The following SYTL3 variants were observed in gnomAD, a reference collection of about 807,000 sequenced individuals.
The protein encoded by SYTL3 is synaptotagmin like 3.
SYTL3 carries 88 observed loss-of-function variants against 82.1 expected under a neutral mutation model. That is an observed-to-expected ratio of 1.07 (90% CI 0.90 to 1.28). SYTL3 has a LOEUF of 1.28. SYTL3 is among the 50% of genes most tolerant of loss of function. The pLI, the probability that SYTL3 is intolerant of heterozygous loss-of-function variation, is 0.00. For missense variants in SYTL3, 831 were observed against 757.6 expected, an observed-to-expected ratio of 1.10 and a Z score of -1.14; for synonymous variants, 311 against 289.4, an observed-to-expected ratio of 1.07 and a Z score of -0.76.
chr6:158,701,252 G>C lies in SYTL3; in HGVS notation c.395-5978G>C, dbSNP rs1562393486. 8.7e-3 allele frequency among the ~76,000 whole-genome samples: 90 copies of C among 10,372 alleles called. 2 individuals carry two copies. The highest frequency in any genetic ancestry group is 0.013 in the Non-Finnish European group (67 of 5,162). The allele number at this position is 10,372 out of a possible 152,430, so 6.8% of individuals were successfully genotyped here. ...TGTGAGCTGGGGTGTAGATGAAGGA[G>C]TGTGAGCTGGGGTGTAGATGAAGGA... On this transcript the variant is annotated intron_variant, in intron 6 of 17. Transcript: ENST00000611299.
intron 6 of SYTL3, among the ~76,000 whole-genome samples, chr6:158,702,423 T>C (rs1185339202): frequency 6.6e-6 from 1 of 151,596 alleles, no homozygotes; most frequent in Non-Finnish European, 1.5e-5. Context: ...AGTGGTCTCT[T>C]CTGCCTCCTG....
rs34172320 is a variant in SYTL3 at position 158,729,566 on chromosome 6, C to CTTTTT, written c.855+3943_855+3947dup. On this transcript the variant is annotated intron_variant, in intron 11 of 17. Transcript: ENST00000611299. ...GTGTACTGTACTTTACTTTCTTTTTCTTTTTTTTTTTTTTTTTTGAGACAG... is the reference window on the plus strand; with the variant it reads ...GTGTACTGTACTTTACTTTCTTTTTCTTTTTTTTTTTTTTTTTTTTTTTGAGACAG... Among the ~76,000 whole-genome samples the CTTTTT allele has an allele frequency of 1.7e-3, 222 of 132,872 alleles. 2 individuals are homozygous for CTTTTT. Among genetic ancestry groups the CTTTTT allele is most frequent in the African/African-American group, 5.9e-3 (212 of 36,010 alleles). 87.2% of individuals were successfully genotyped at this position (132,872 alleles called of 152,430 possible). A position where few individuals can be genotyped will look rare whatever the true frequency, so the allele number is the denominator to read the frequency against.
At chr6:158,665,313 G>A (rs1399348919) in intron 4 of SYTL3, 82 bp from the exon 5 acceptor site, 1 of 1,338,478 alleles carries the variant, frequency 7.5e-7, no homozygotes, top group African/African-American at 1.5e-5. Context: ...TTGCCATGGG[G>A]GTTACTGCCT....
intron 11 of SYTL3, among the ~76,000 whole-genome samples, chr6:158,727,533 G>A (rs1192714131): frequency 6.6e-6 from 1 of 152,034 alleles, no homozygotes; most frequent in Non-Finnish European, 1.5e-5. Context: ...GCTTTATTAG[G>A]AAGAAGGCAT....
intron 9 of SYTL3, among the ~76,000 whole-genome samples, chr6:158,717,294 A>C (rs1009223539): frequency 9.7e-6 from 1 of 102,592 alleles, no homozygotes; most frequent in Non-Finnish European, 2.2e-5. Flanking sequence ...AAGTAAATAG[A>C]GTTAATTTTA....
chr6:158,663,179 A>G lies in SYTL3; in HGVS notation c.-90A>G, dbSNP rs1466900917. The G allele has an allele frequency of 8.9e-6, 10 of 1,123,038 alleles. No homozygotes were observed. The highest frequency in any genetic ancestry group is 1.6e-5 in the African/African-American group (1 of 64,516). The allele number at this position is 1,123,038 out of a possible 1,614,324, so 69.6% of individuals were successfully genotyped here. A position where few individuals can be genotyped will look rare whatever the true frequency, so the allele number is the denominator to read the frequency against. ...GAGCTCTTTAAACAAGGCTGGCTGCAGCTGGCCTCCGCCGCTCATCTGCAG... is the reference window on the plus strand; with the variant it reads ...GAGCTCTTTAAACAAGGCTGGCTGCGGCTGGCCTCCGCCGCTCATCTGCAG... On this transcript the variant is annotated 5_prime_UTR_variant, in exon 4 of 18. Coordinates refer to ENST00000611299, the MANE Select transcript of SYTL3 (RefSeq NM_001242394.2).
chr6:158,653,940 T>A (rs1290946574), intron 2 of SYTL3, among the ~76,000 whole-genome samples: 2 of 152,228 alleles, frequency 1.3e-5, no homozygotes, highest in South Asian at 2.1e-4. Context: ...CCCCTAAGAA[T>A]AAACAATGTG....
chr6:158,708,536 T>C (rs2128456679), intron 8 of SYTL3, 145 bp downstream of exon 8: 1 of 761,808 alleles, frequency 1.3e-6, no homozygotes, highest in Admixed American at 2.4e-5. Flanking sequence ...CAAAGCGGGG[T>C]GGGGAGCGAG....
intron 6 of SYTL3, among the ~76,000 whole-genome samples, chr6:158,697,710 G>GA (rs1196498179): frequency 6.6e-6 from 1 of 151,838 alleles, no homozygotes; most frequent in East Asian, 1.9e-4. Flanking sequence ...TTTTTTTAGA[G>GA]AAAATCCAAA....
At chr6:158,712,853 G>T (rs925367708) in intron 8 of SYTL3, among the ~76,000 whole-genome samples, 8 of 151,286 alleles carry the variant, frequency 5.3e-5, no homozygotes, top group Non-Finnish European at 1.2e-4. Flanking sequence ...CCGCCTCCCG[G>T]GTTCACACCA....
intron 11 of SYTL3, chr6:158,726,043 G>T (rs1583386942): frequency 1.7e-6 from 1 of 581,462 alleles, no homozygotes; most frequent in South Asian, 1.5e-5. Flanking sequence ...CCAATCTCAT[G>T]TGTTAAAATC....
In SYTL3 at chr6:158,717,134, C is replaced by T. The variant is rs1447941774; in HGVS notation, c.596-953C>T. On this transcript the variant is annotated intron_variant, in intron 9 of 17. Coordinates refer to ENST00000611299, the MANE Select transcript of SYTL3 (RefSeq NM_001242394.2). ...ATGGCTAATACAAAAATTAGCCGGG[C>T]GTGGTGACACACACCTGTAATCCCA... Among the ~76,000 whole-genome samples, 9 of 151,222 alleles carry T rather than the reference C, an allele frequency of 6.0e-5. No homozygotes were observed. The East Asian group carries it at 1.6e-3, about 26-fold the overall frequency.
rs1247462310 is a variant in SYTL3, at chr6:158,752,032, T to C, written c.1137+2T>C. On this transcript the variant is annotated splice_donor_variant, in intron 13 of 17. Coordinates refer to ENST00000611299, the MANE Select transcript of SYTL3 (RefSeq NM_001242394.2). LOFTEE classifies it high-confidence loss of function. ...CCGACCTTTCAGGAGACCTTGAAGG[T>C]ACTTGCTGGACAGATATTCCTGTGC... 8 of 1,590,914 alleles carry C rather than the reference T, an allele frequency of 5.0e-6. No homozygotes were observed. The highest frequency in any genetic ancestry group is 6.8e-6 in the Non-Finnish European group (8 of 1,170,970).
chr6:158,679,594 A>G (rs1778429803), intron 5 of SYTL3, among the ~76,000 whole-genome samples: 1 of 152,192 alleles, frequency 6.6e-6, no homozygotes, highest in Non-Finnish European at 1.5e-5. Context: ...TTAATCACAG[A>G]TAGGCCCAAG....
chr6:158,757,729 C>T (rs555182441), intron 14 of SYTL3, among the ~76,000 whole-genome samples: 7 of 152,214 alleles, frequency 4.6e-5, no homozygotes, highest in Non-Finnish European at 1.0e-4. Flanking sequence ...GGGCACCGCC[C>T]GCAGCTATGC....
At chr6:158,738,907 C>T (rs978950434) in intron 11 of SYTL3, among the ~76,000 whole-genome samples, 1 of 152,254 alleles carries the variant, frequency 6.6e-6, no homozygotes, top group Non-Finnish European at 1.5e-5. Flanking sequence ...ATCCACCTGC[C>T]TTGGCCTCCC....
chr6:158,696,199 T>TTATTAACAC lies in SYTL3; in HGVS notation c.395-11029_395-11021dup, dbSNP rs1181656022. Among the ~76,000 whole-genome samples the TTATTAACAC allele has an allele frequency of 5.3e-5, 8 of 152,260 alleles. No homozygotes were observed. In the East Asian group the frequency reaches 1.5e-3, roughly 29 times the overall value. On this transcript the variant is annotated intron_variant, in intron 6 of 17. Transcript: ENST00000611299. ...TTTCACAACCACACTAACACTTATTTTATTAACACTTTTTTTTTTGAGATG... is the reference window on the plus strand; with the variant it reads ...TTTCACAACCACACTAACACTTATTTTATTAACACTATTAACACTTTTTTTTTTGAGATG...
intron 2 of SYTL3, among the ~76,000 whole-genome samples, chr6:158,657,526 G>C (rs1788838801): frequency 6.6e-6 from 1 of 151,640 alleles, no homozygotes; most frequent in Non-Finnish European, 1.5e-5. Flanking sequence ...CAAAAAACCT[G>C]AAAGATAATT....
chr6:158,711,090 A>G (rs1782717809), intron 8 of SYTL3, among the ~76,000 whole-genome samples: 1 of 152,142 alleles, frequency 6.6e-6, no homozygotes, highest in East Asian at 1.9e-4. Flanking sequence ...AGGTCTACGC[A>G]TTTTGTAAGC....
Sources: gnomAD v4.1 joint callset for allele counts (sites outside exome capture counted in the v4.1 genomes callset) on GRCh38, gnomAD v4.1.1 for gene constraint, MANE v1.5 for transcripts, NCBI Gene and HGNC (gene_info 2026-07-23, HGNC 2026-07-21) for gene names.